The following DOCK8 variants were observed in gnomAD, a reference collection of about 807,000 sequenced individuals.
DOCK8 encodes the protein dedicator of cytokinesis 8.
In DOCK8, 141 loss-of-function variants were observed where a neutral mutation model predicts 245.6. That is an observed-to-expected ratio of 0.57 (90% CI 0.50 to 0.66). The LOEUF is 0.66. Ranked by LOEUF, DOCK8 falls within the 30% of genes least tolerant of loss-of-function variation. The probability of loss-of-function intolerance (pLI) is 0.00; values close to 1 mark genes in which losing one functional copy is unlikely to be tolerated. For missense variants in DOCK8, 2,965 were observed against 2,603.4 expected (o/e 1.14, Z -3.02); for synonymous variants, 1,168 against 970.2 (o/e 1.20, Z -3.79).
At chr9:421,284 AC>A (rs1031663028) in intron 32 of DOCK8, among the ~76,000 whole-genome samples, 1 of 152,192 alleles carries the variant, frequency 6.6e-6, no homozygotes, top group Non-Finnish European at 1.5e-5. Context: ...AATTGTAGGA[AC>A]CCTGAAAACA....
chr9:306,397 C>G (rs1205183502), intron 5 of DOCK8, among the ~76,000 whole-genome samples: 1 of 152,174 alleles, frequency 6.6e-6, no homozygotes, highest in East Asian at 1.9e-4. Context: ...GTAATTTTGA[C>G]TGAATTCCAT....
intron 1 of DOCK8, among the ~76,000 whole-genome samples, chr9:257,874 A>G (rs886141690): frequency 6.6e-6 from 1 of 152,204 alleles, no homozygotes; most frequent in Non-Finnish European, 1.5e-5. Context: ...AGGATTCAGT[A>G]GGTCTGGCGG....
intron 46 of DOCK8, among the ~76,000 whole-genome samples, chr9:460,672 CTG>C (rs1332526404): frequency 6.6e-6 from 1 of 152,334 alleles, no homozygotes; most frequent in Admixed American, 6.5e-5. Context: ...CTTTCAGATT[CTG>C]TGTGAGTTAA....
At chr9:215,212 C>G in intron 1 of DOCK8, 183 bp downstream of exon 1, 1 of 1,535,490 alleles carries the variant, frequency 6.5e-7, no homozygotes, top group Non-Finnish European at 8.7e-7. Flanking sequence ...CGCGGCGGCT[C>G]CTGCGCTGGG....
intron 46 of DOCK8, among the ~76,000 whole-genome samples, chr9:453,498 C>T (rs1242377841): frequency 6.6e-6 from 1 of 152,170 alleles, no homozygotes; most frequent in African/African-American, 2.4e-5. Flanking sequence ...ATAATCTCAG[C>T]TCACTGCAAC....
upstream of DOCK8, chr9:214,744 C>A: frequency 6.6e-7 from 1 of 1,522,148 alleles, no homozygotes. Context: ...CCCTCCTCGC[C>A]CGCCGCTGCC....
At chr9:421,406 A>G (rs890295833) in intron 32 of DOCK8, among the ~76,000 whole-genome samples, 14 of 152,186 alleles carry the variant, frequency 9.2e-5, no homozygotes, top group Admixed American at 3.9e-4. Flanking sequence ...AGGCCTTTCT[A>G]TGTGACCTTT....
chr9:340,480 G>T (rs554566734), intron 14 of DOCK8, 159 bp downstream of exon 14: 6 of 833,804 alleles, frequency 7.2e-6, no homozygotes, highest in Non-Finnish European at 1.1e-5. Context: ...ATTTAGCTGG[G>T]CATGGTGGTG....
In DOCK8 at chr9:340,348, G is replaced by A. The variant is rs138224712; in HGVS notation, c.1679+27G>A. On this transcript the variant is annotated intron_variant, in intron 14 of 47. Coordinates refer to ENST00000432829, the MANE Select transcript of DOCK8 (RefSeq NM_203447.4). ...TAAGAAACACAGGCTCGGGCTGGGC[G>A]TGGTGGCTTACACCATAATCCCATA... 1.5e-4 allele frequency: 241 copies of A among 1,613,444 alleles called. 2 individuals are homozygous for A. In the African/African-American group the frequency reaches 2.1e-3, roughly 14 times the overall value.
intron 7 of DOCK8, among the ~76,000 whole-genome samples, chr9:322,793 C>T (rs1299776071): frequency 2.0e-5 from 3 of 151,994 alleles, no homozygotes; most frequent in Non-Finnish European, 4.4e-5. Context: ...GAGCCTAGGC[C>T]CAGGAAAGCC....
chr9:399,384 G>T lies in DOCK8; in HGVS notation c.3234+125G>T, dbSNP rs986494181. On this transcript the variant is annotated intron_variant, in intron 26 of 47. Coordinates refer to ENST00000432829, the MANE Select transcript of DOCK8 (RefSeq NM_203447.4). ...AGTTGGCATGAATCCTACACATCCT[G>T]TGTTTTGCAGCACGTCCCTCATGTC... 8 of 749,620 alleles carry T rather than the reference G, an allele frequency of 1.1e-5. No homozygotes were observed. In the African/African-American group the frequency reaches 1.4e-4, roughly 13 times the overall value. 46.4% of individuals were successfully genotyped at this position (749,620 alleles called of 1,614,324 possible).
At chr9:390,786 A>G (rs1159841654) in intron 24 of DOCK8, among the ~76,000 whole-genome samples, 1 of 150,694 alleles carries the variant, frequency 6.6e-6, no homozygotes, top group African/African-American at 2.4e-5. Context: ...CACCTTCACC[A>G]CTCTCCACCT....
chr9:325,991 G>C (rs1367060285), intron 8 of DOCK8, among the ~76,000 whole-genome samples: 1 of 152,212 alleles, frequency 6.6e-6, no homozygotes, highest in Non-Finnish European at 1.5e-5. Context: ...GAATGAAATA[G>C]CGCATGGGGT....
At position 370,217 on chromosome 9, in the gene DOCK8, T is replaced by C; in HGVS notation, c.1798-13T>C. 6.2e-7 allele frequency: 1 copy of C among 1,611,064 alleles called. No homozygotes were observed. The highest frequency in any genetic ancestry group is 8.5e-7 in the Non-Finnish European group (1 of 1,177,176). On this transcript the variant is annotated splice_polypyrimidine_tract_variant and intron_variant, in intron 15 of 47. Coordinates refer to ENST00000432829, the MANE Select transcript of DOCK8 (RefSeq NM_203447.4). ...GTTACTGATAATTTGATCCTTTCTC[T>C]ACTGGTGAACAGGTCATCTTTGGAA... is the stretch of plus-strand genomic sequence containing the variant.
At chr9:369,035 ACCT>A (rs1477459461) in intron 15 of DOCK8, 1 of 151,596 alleles carries the variant, frequency 6.6e-6, no homozygotes, top group Non-Finnish European at 1.5e-5. Context: ...CAAACTCCTG[ACCT>A]CAGCTGATCC....
At position 464,504 on chromosome 9, in the gene DOCK8, C is replaced by T; in HGVS notation, c.*285C>T. On this transcript the variant is annotated 3_prime_UTR_variant, in exon 48 of 48. Coordinates refer to ENST00000432829, the MANE Select transcript of DOCK8 (RefSeq NM_203447.4). ...CACAATGTACCAAACAAGGCATAAG[C>T]AGCTTCTCCTGCTGACTGGCCAATC... is the stretch of plus-strand genomic sequence containing the variant. The T allele has an allele frequency of 2.0e-6, 1 of 504,654 alleles. No individual in the cohort carries two copies. The highest frequency in any genetic ancestry group is 3.6e-6 in the Non-Finnish European group (1 of 277,148). 31.3% of individuals were successfully genotyped at this position (504,654 alleles called of 1,614,324 possible).
intron 22 of DOCK8, among the ~76,000 whole-genome samples, chr9:384,052 A>T (rs529041275): frequency 1.1e-4 from 17 of 152,152 alleles, no homozygotes; most frequent in Admixed American, 2.0e-4. Flanking sequence ...TCTGAATGCC[A>T]TATTACATTT....
chr9:449,511 T>A (rs1318298387), intron 44 of DOCK8, among the ~76,000 whole-genome samples: 2 of 152,204 alleles, frequency 1.3e-5, no homozygotes, highest in African/African-American at 4.8e-5. Context: ...GAACTTAACC[T>A]TACAAATCCC....
At position 372,270 on chromosome 9, in the gene DOCK8, C is replaced by T. The variant is rs763006372; in HGVS notation, c.2093C>T (p.Ser698Phe). Reference protein sequence around the residue: ...VALEKLPPNYSMHSAEKVPLQ... With the variant: ...VALEKLPPNYFMHSAEKVPLQ... ...TTGGAAAAATTGCCACCCAACTACTCCATGCATTCTGCTGAGGTAATTGGC... is the reference window on the plus strand; with the variant it reads ...TTGGAAAAATTGCCACCCAACTACTTCATGCATTCTGCTGAGGTAATTGGC... Residue 698 changes from serine (S) to phenylalanine (F), a missense_variant, in exon 18 of 48, where the codon TCC (serine) becomes TTC (phenylalanine). Physicochemically the swap from Ser to Phe is radical, Grantham distance 155. Transcript: ENST00000432829. The T allele has an allele frequency of 1.2e-5, 19 of 1,613,752 alleles. No individual in the cohort carries two copies. The Admixed American group carries it at 2.0e-4, about 17-fold the overall frequency.
Sources: allele counts gnomAD v4.1 joint callset (sites outside exome capture counted in the v4.1 genomes callset), GRCh38; gene constraint gnomAD v4.1.1; transcripts MANE v1.5; gene names NCBI Gene and HGNC (gene_info 2026-07-23, HGNC 2026-07-21).